CRISPLD2: variants seen among roughly 807,000 people sequenced by gnomAD.
The protein encoded by CRISPLD2 is cysteine rich secretory protein LCCL domain containing 2.
A neutral mutation model predicts 71.1 loss-of-function variants in CRISPLD2; 47 were observed. That is an observed-to-expected ratio of 0.66 (90% CI 0.52 to 0.84). CRISPLD2 has a LOEUF of 0.84. CRISPLD2 is among the 40% of genes least tolerant of loss of function. CRISPLD2 has a pLI of 0.00. For synonymous variants in CRISPLD2, 317 were observed against 250.1 expected, an observed-to-expected ratio of 1.27 and a Z score of -2.52; for missense variants, 830 against 651.1, an observed-to-expected ratio of 1.27 and a Z score of -2.99.
chr16:84,904,240 G>A (rs983768982), intron 14 of CRISPLD2, among the ~76,000 whole-genome samples: 1 of 152,148 alleles, frequency 6.6e-6, no homozygotes, highest in Non-Finnish European at 1.5e-5. Context: ...CCTATACAGC[G>A]ACAGTGATCA....
chr16:84,855,131 C>G (rs577043937), intron 6 of CRISPLD2, among the ~76,000 whole-genome samples: 1 of 152,082 alleles, frequency 6.6e-6, no homozygotes, highest in African/African-American at 2.4e-5. Flanking sequence ...TGCTCACCCT[C>G]GTTAGCATTC....
intron 11 of CRISPLD2, among the ~76,000 whole-genome samples, chr16:84,875,754 CG>C (rs2071513268): frequency 6.9e-6 from 1 of 144,300 alleles, no homozygotes; most frequent in South Asian, 2.2e-4. Context: ...TAAGTAGAGA[CG>C]GGGTTTCGCC....
At chr16:84,829,904 G>A (rs1226511686) in intron 1 of CRISPLD2, among the ~76,000 whole-genome samples, 6 of 152,240 alleles carry the variant, frequency 3.9e-5, no homozygotes, top group Admixed American at 2.6e-4. Context: ...CTCATCCCAC[G>A]TTGGCGTGGG....
intron 4 of CRISPLD2, among the ~76,000 whole-genome samples, 178 bp downstream of exon 4, chr16:84,849,695 C>A (rs772595830): frequency 6.7e-6 from 1 of 149,594 alleles, no homozygotes; most frequent in Non-Finnish European, 1.5e-5. Flanking sequence ...CCAGCAAGGT[C>A]AGAAACTGAG....
chr16:84,906,015 C>CT (rs1219996361), intron 14 of CRISPLD2, among the ~76,000 whole-genome samples: 1 of 152,182 alleles, frequency 6.6e-6, no homozygotes, highest in Non-Finnish European at 1.5e-5. Context: ...GCCTAAAGCT[C>CT]TTTTTTAAAA....
At chr16:84,904,282 G>A (rs2071781382) in intron 14 of CRISPLD2, among the ~76,000 whole-genome samples, 2 of 152,278 alleles carry the variant, frequency 1.3e-5, no homozygotes, top group South Asian at 4.1e-4. Context: ...GACAGACACA[G>A]AGATTAAGAG....
intron 8 of CRISPLD2, among the ~76,000 whole-genome samples, chr16:84,869,242 C>T (rs2071444754): frequency 6.6e-6 from 1 of 152,088 alleles, no homozygotes; most frequent in Non-Finnish European, 1.5e-5. Flanking sequence ...ACGCTGTCTG[C>T]CAAAAAGAAC....
intron 12 of CRISPLD2, among the ~76,000 whole-genome samples, chr16:84,879,564 G>C (rs1356485616): frequency 6.6e-6 from 1 of 152,096 alleles, no homozygotes; most frequent in African/African-American, 2.4e-5. Flanking sequence ...GTTTCACCAT[G>C]TTGGCCAGGC....
At chr16:84,860,777 G>A (rs953677194) in intron 6 of CRISPLD2, among the ~76,000 whole-genome samples, 3 of 152,216 alleles carry the variant, frequency 2.0e-5, no homozygotes, top group Non-Finnish European at 4.4e-5. Flanking sequence ...AGGTGTCTGT[G>A]CATGCACCTT....
chr16:84,849,138 C>T (rs1341012188), intron 3 of CRISPLD2: 2 of 498,700 alleles, frequency 4.0e-6, no homozygotes, highest in East Asian at 3.3e-5. Context: ...CCAGGTGCTG[C>T]TGGAATTGAG....
chr16:84,849,971 C>T (rs1388476033), intron 4 of CRISPLD2, among the ~76,000 whole-genome samples: 1 of 151,914 alleles, frequency 6.6e-6, no homozygotes, highest in Non-Finnish European at 1.5e-5. Context: ...TGCAATCCTC[C>T]CCGCTCAGCT....
Position 84,850,559 on chromosome 16 carries a change from T to G in CRISPLD2, c.493-9T>G, listed in dbSNP as rs942782457. 1 of 1,612,696 alleles carries G rather than the reference T, an allele frequency of 6.2e-7. No individual in the cohort carries two copies. Among genetic ancestry groups the G allele is most frequent in the Non-Finnish European group, 8.5e-7 (1 of 1,178,832 alleles). On this transcript the variant is annotated splice_polypyrimidine_tract_variant and intron_variant, in intron 4 of 14. Transcript: ENST00000262424. ...CTCGAGCTGTGACACACAAATGTCA[T>G]CTTTTCAGATAGTTTGGGCCACCAC...
chr16:84,837,842 C>A (rs1255505355), intron 1 of CRISPLD2, among the ~76,000 whole-genome samples: 1 of 152,166 alleles, frequency 6.6e-6, no homozygotes, highest in African/African-American at 2.4e-5. Flanking sequence ...TCTGAGGGAA[C>A]AAAAGGCTGA....
intron 2 of CRISPLD2, among the ~76,000 whole-genome samples, chr16:84,840,284 C>T (rs568511044): frequency 1.8e-4 from 27 of 152,276 alleles, no homozygotes; most frequent in African/African-American, 5.8e-4. Context: ...TTACGTGCCA[C>T]GTGAATTGTG....
rs1200556723 is a variant in CRISPLD2 at position 84,850,572 on chromosome 16, T to C, written c.497T>C (p.Val166Ala). 1 of 1,613,980 alleles carries C rather than the reference T, an allele frequency of 6.2e-7. No homozygotes were observed. Among genetic ancestry groups the C allele is most frequent in the South Asian group, 1.1e-5 (1 of 91,086 alleles). Residue 166 changes from valine (V) to alanine (A), a missense_variant, in exon 5 of 15, where the codon GTT becomes GCT. Transcript: ENST00000262424. ...GPMCTHYTQI[V>A]WATTNKIGCA... ...ACACAAATGTCATCTTTTCAGATAGTTTGGGCCACCACCAACAAGATCGGT... is the reference window on the plus strand; with the variant it reads ...ACACAAATGTCATCTTTTCAGATAGCTTGGGCCACCACCAACAAGATCGGT...
chr16:84,849,515 C>A lies in CRISPLD2; in HGVS notation c.490C>A (p.Gln164Lys). 1 of 1,613,886 alleles carries A rather than the reference C, an allele frequency of 6.2e-7. No individual in the cohort carries two copies. Among genetic ancestry groups the A allele is most frequent in the South Asian group, 1.1e-5 (1 of 91,074 alleles). ...GGGGCCCATGTGCACGCACTACACA[C>A]AGGTAACTCGGGGACTTGCCACGAC... ...CSGPMCTHYT[Q>K]IVWATTNKIG... The change falls in exon 4 of 15, where the codon CAG (glutamine) becomes AAG (lysine). Residue 164 changes from glutamine to lysine, a missense_variant and splice_region_variant. Transcript: ENST00000262424.
chr16:84,849,872 G>A (rs966271990), intron 4 of CRISPLD2, among the ~76,000 whole-genome samples: 3 of 146,978 alleles, frequency 2.0e-5, no homozygotes, highest in Non-Finnish European at 3.0e-5. Flanking sequence ...TGTGCACTAC[G>A]AGGCCTGGCT....
chr16:84,892,850 C>T (rs1476623337), intron 14 of CRISPLD2, among the ~76,000 whole-genome samples: 1 of 151,710 alleles, frequency 6.6e-6, no homozygotes. Flanking sequence ...GTGGTGCACG[C>T]CTGTAATGCC....
chr16:84,836,793 C>T (rs749224605), intron 1 of CRISPLD2, among the ~76,000 whole-genome samples: 8 of 152,172 alleles, frequency 5.3e-5, no homozygotes, highest in African/African-American at 9.6e-5. Context: ...TGGTAAACAC[C>T]TGGTTGGTGC....
Sources: gnomAD v4.1 joint callset for allele counts (sites outside exome capture counted in the v4.1 genomes callset) on GRCh38, gnomAD v4.1.1 for gene constraint, MANE v1.5 for transcripts, NCBI Gene and HGNC (gene_info 2026-07-23, HGNC 2026-07-21) for gene names.